The following LUZP2 variants were observed in gnomAD, a reference collection of about 807,000 sequenced individuals.
LUZP2 encodes leucine zipper protein 2.
Under a neutral mutation model 51.6 loss-of-function variants are expected in LUZP2, and 52 were observed. The ratio of observed to expected loss-of-function variants is 1.01; its 90% CI spans 0.81 to 1.27. The LOEUF (loss-of-function observed/expected upper bound fraction) is 1.27. LUZP2 is among the 50% of genes most tolerant of loss of function. The probability of loss-of-function intolerance (pLI) is 0.00; values close to 1 mark genes in which losing one functional copy is unlikely to be tolerated. For synonymous variants in LUZP2, 154 were observed against 137.3 expected, an observed-to-expected ratio of 1.12 and a Z score of -0.85; for missense variants, 436 against 395.4, an observed-to-expected ratio of 1.10 and a Z score of -0.87.
At chr11:24,581,007 A>C (rs1852833723) in intron 1 of LUZP2, among the ~76,000 whole-genome samples, 1 of 152,096 alleles carries the variant, frequency 6.6e-6, no homozygotes, top group African/African-American at 2.4e-5. Context: ...TTTGTTGAAC[A>C]ATCTCATAGA....
Position 25,003,747 on chromosome 11 carries a change from G to A in LUZP2, c.765+20454G>A, listed in dbSNP as rs117986376. On this transcript the variant is annotated intron_variant, in intron 9 of 11. Transcript: ENST00000336930. ...TGCCCTTCCAAATTGTCTTTCCAAC[G>A]CCCAGACTTCAGGGTTGACTCCTTC... Among the ~76,000 whole-genome samples the A allele has an allele frequency of 6.6e-3, 1,010 of 152,136 alleles. 30 individuals carry two copies. In the East Asian group the frequency reaches 0.093, roughly 14 times the overall value.
intron 5 of LUZP2, among the ~76,000 whole-genome samples, chr11:24,866,835 T>C (rs745520947): frequency 1.6e-4 from 24 of 152,062 alleles, no homozygotes; most frequent in Non-Finnish European, 2.5e-4. Context: ...GTGGAAAAAA[T>C]GTAATCATCA....
chr11:24,669,971 GTA>G (rs1856349172), intron 1 of LUZP2, among the ~76,000 whole-genome samples: 1 of 151,752 alleles, frequency 6.6e-6, no homozygotes, highest in Non-Finnish European at 1.5e-5. Context: ...ACAATAAATT[GTA>G]TGTTTATCTG....
intron 9 of LUZP2, among the ~76,000 whole-genome samples, chr11:25,008,744 CATGAGAGGGGAAGCCCTCTT>C (rs1444256073): frequency 1.3e-5 from 2 of 152,116 alleles, no homozygotes; most frequent in African/African-American, 2.4e-5. Context: ...AGCTCGCCAC[CATGAGAGGGGAAGCCCTCTT>C]ATGAGAGGGG....
At chr11:24,993,882 A>C (rs1856421903) in intron 9 of LUZP2, among the ~76,000 whole-genome samples, 1 of 151,800 alleles carries the variant, frequency 6.6e-6, no homozygotes. Flanking sequence ...GTGTGGGGGA[A>C]TAGAGTCTCG....
At chr11:24,554,530 T>C (rs917082407) in intron 1 of LUZP2, among the ~76,000 whole-genome samples, 1 of 151,984 alleles carries the variant, frequency 6.6e-6, no homozygotes, top group African/African-American at 2.4e-5. Context: ...TAAAATCCTT[T>C]GAAAATAATG....
At chr11:24,532,083 A>G (rs1416862522) in intron 1 of LUZP2, among the ~76,000 whole-genome samples, 1 of 150,948 alleles carries the variant, frequency 6.6e-6, no homozygotes, top group African/African-American at 2.4e-5. Context: ...TAACTTCATT[A>G]TAACCACATT....
chr11:24,644,756 T>G lies in LUZP2; in HGVS notation c.63-84413T>G, dbSNP rs150096011. ...ATGAAGGCAACAGACTTCTTAACTG[T>G]GTTAGCATATACATTTCTTTATTTT... On this transcript the variant is annotated intron_variant, in intron 1 of 11. Transcript: ENST00000336930. Among the ~76,000 whole-genome samples, 27 of 152,266 alleles carry G rather than the reference T, an allele frequency of 1.8e-4. No homozygotes were observed. The East Asian group carries it at 4.8e-3, about 27-fold the overall frequency.
At chr11:24,795,723 T>A (rs916561507) in intron 5 of LUZP2, among the ~76,000 whole-genome samples, 2 of 152,050 alleles carry the variant, frequency 1.3e-5, no homozygotes, top group Non-Finnish European at 2.9e-5. Context: ...GTAATTTGGG[T>A]TTAGTCTTGA....
chr11:24,876,072 T>C lies in LUZP2; in HGVS notation c.397-29919T>C, dbSNP rs944676923. On this transcript the variant is annotated intron_variant, in intron 5 of 11. Transcript: ENST00000336930. ...GTAGGTTGTCTGTTCACTCTGATGG[T>C]AGTTTCTTTTGCTGTGCAGAAGCTC... 7.9e-5 allele frequency among the ~76,000 whole-genome samples: 12 copies of C among 152,132 alleles called. No homozygotes were observed. In the East Asian group the frequency reaches 2.3e-3, roughly 30 times the overall value.
intron 1 of LUZP2, among the ~76,000 whole-genome samples, chr11:24,627,424 G>C (rs11028081): frequency 0.03 from 4,555 of 152,240 alleles, 100 homozygotes; most frequent in South Asian, 0.11. Context: ...TTTAGTACTA[G>C]CTTGTCTCCC....
intron 9 of LUZP2, among the ~76,000 whole-genome samples, chr11:24,991,782 T>G (rs745435383): frequency 6.6e-6 from 1 of 152,066 alleles, no homozygotes; most frequent in South Asian, 2.1e-4. Flanking sequence ...TAAGGAGGTA[T>G]TGCATTGTGG....
intron 1 of LUZP2, among the ~76,000 whole-genome samples, chr11:24,624,808 C>G (rs539111678): frequency 1.3e-5 from 2 of 152,038 alleles, no homozygotes; most frequent in East Asian, 3.9e-4. Flanking sequence ...TCGTACCTAG[C>G]TTTTCAAAAA....
chr11:24,577,116 A>G (rs1035057101), intron 1 of LUZP2, among the ~76,000 whole-genome samples: 1 of 150,496 alleles, frequency 6.6e-6, no homozygotes, highest in Non-Finnish European at 1.5e-5. Flanking sequence ...CAATTTTACT[A>G]TGGTGAATAG....
chr11:25,057,582 G>A lies in LUZP2; in HGVS notation c.858+7452G>A, dbSNP rs188356277. On this transcript the variant is annotated intron_variant, in intron 10 of 11. Transcript: ENST00000336930. ...CTCATATTGTTTAATAGCATATCAA[G>A]AATTAAAGACATTGAACATTGTATT... 4.8e-3 allele frequency among the ~76,000 whole-genome samples: 732 copies of A among 152,194 alleles called. 5 individuals are homozygous for A. The highest frequency in any genetic ancestry group is 0.01 in the Middle Eastern group (3 of 294).
At chr11:24,990,268 C>A (rs978657934) in intron 9 of LUZP2, among the ~76,000 whole-genome samples, 17 of 152,028 alleles carry the variant, frequency 1.1e-4, no homozygotes, top group African/African-American at 4.1e-4. Flanking sequence ...ACTGTTTAAA[C>A]ATGCACACAC....
intron 1 of LUZP2, among the ~76,000 whole-genome samples, chr11:24,627,887 C>T (rs559570105): frequency 6.6e-6 from 1 of 152,256 alleles, no homozygotes; most frequent in East Asian, 1.9e-4. Context: ...TGACACCCCT[C>T]CCTTCAATGT....
intron 10 of LUZP2, among the ~76,000 whole-genome samples, chr11:25,067,856 A>C (rs2134050612): frequency 6.6e-6 from 1 of 152,208 alleles, no homozygotes; most frequent in Admixed American, 6.6e-5. Context: ...CTATAAAGAC[A>C]CATGCACACA....
At chr11:24,595,759 T>A (rs762297416) in intron 1 of LUZP2, among the ~76,000 whole-genome samples, 1 of 152,172 alleles carries the variant, frequency 6.6e-6, no homozygotes, top group African/African-American at 2.4e-5. Context: ...CTTTGCCTAT[T>A]CAATGAAGAG....
Sources: gnomAD v4.1 joint callset for allele counts (sites outside exome capture counted in the v4.1 genomes callset) on GRCh38, gnomAD v4.1.1 for gene constraint, MANE v1.5 for transcripts, NCBI Gene and HGNC (gene_info 2026-07-23, HGNC 2026-07-21) for gene names.